Variants in GLIS1 observed in about 807,000 individuals in gnomAD.
GLIS1 encodes the protein zinc finger protein GLIS1.
A neutral mutation model predicts 63.8 loss-of-function variants in GLIS1; 24 were observed. The ratio of observed to expected loss-of-function variants is 0.38; its 90% CI spans 0.27 to 0.53. The LOEUF (loss-of-function observed/expected upper bound fraction) is 0.53. Among genes scored for constraint, GLIS1 ranks in the 20% least tolerant of loss-of-function variants. The probability of loss-of-function intolerance (pLI) is 0.85; values close to 1 mark genes in which losing one functional copy is unlikely to be tolerated. For missense variants in GLIS1, 1,036 were observed against 1,074.1 expected (o/e 0.96, Z 0.50); for synonymous variants, 450 against 482.5 (o/e 0.93, Z 0.88).
At chr1:53,736,373 T>G (rs983360959) in intron 2 of GLIS1, among the ~76,000 whole-genome samples, 2 of 152,236 alleles carry the variant, frequency 1.3e-5, no homozygotes, top group Non-Finnish European at 2.9e-5. Flanking sequence ...GAGAGCTGTT[T>G]GCTAGGTCTG....
intron 2 of GLIS1, among the ~76,000 whole-genome samples, chr1:53,648,423 C>A (rs1267462899): frequency 1.3e-5 from 2 of 152,142 alleles, no homozygotes; most frequent in Non-Finnish European, 2.9e-5. Context: ...TAAAATGGTG[C>A]AGCCACTTTG....
chr1:53,722,904 G>A (rs55718124), intron 2 of GLIS1, among the ~76,000 whole-genome samples: 39,426 of 151,348 alleles, frequency 0.26, 5,363 homozygotes, highest in African/African-American at 0.35. Context: ...AGGCCGAGGC[G>A]GGTGGATCAC....
At chr1:53,715,618 C>T (rs542007681) in intron 2 of GLIS1, among the ~76,000 whole-genome samples, 1 of 152,244 alleles carries the variant, frequency 6.6e-6, no homozygotes, top group South Asian at 2.1e-4. Flanking sequence ...CCACTCAGAC[C>T]AGGCAGTGTG....
chr1:53,594,025 A>G, intron 4 of GLIS1, 83 bp downstream of exon 4: 1 of 1,451,382 alleles, frequency 6.9e-7, no homozygotes, highest in Non-Finnish European at 9.2e-7. Flanking sequence ...ACGGAGTCCC[A>G]GGCGGCCTCT....
At chr1:53,518,830 GCCCTGT>G (rs958584573) in intron 7 of GLIS1, among the ~76,000 whole-genome samples, 2 of 152,222 alleles carry the variant, frequency 1.3e-5, no homozygotes, top group Admixed American at 6.5e-5. Flanking sequence ...GTAACTGCTG[GCCCTGT>G]CCCTTCTCGC....
chr1:53,675,613 G>C (rs553072431), intron 2 of GLIS1, among the ~76,000 whole-genome samples: 1 of 152,316 alleles, frequency 6.6e-6, no homozygotes, highest in South Asian at 2.1e-4. Context: ...AGGTGTCACT[G>C]ACCACCTCTC....
At chr1:53,557,664 T>C (rs1352498408) in intron 4 of GLIS1, among the ~76,000 whole-genome samples, 2 of 152,218 alleles carry the variant, frequency 1.3e-5, no homozygotes, top group African/African-American at 4.8e-5. Flanking sequence ...CATGGTGTCG[T>C]TGAGCAGCTA....
intron 2 of GLIS1, among the ~76,000 whole-genome samples, chr1:53,622,612 T>A (rs1235331167): frequency 2.0e-5 from 3 of 152,106 alleles, no homozygotes; most frequent in Non-Finnish European, 4.4e-5. Flanking sequence ...AGAAGCATCC[T>A]TATGAGAGAC....
At chr1:53,667,346 C>T (rs749789177) in intron 2 of GLIS1, among the ~76,000 whole-genome samples, 7 of 152,250 alleles carry the variant, frequency 4.6e-5, no homozygotes, top group Non-Finnish European at 8.8e-5. Flanking sequence ...GCGTGGCACA[C>T]ACTGGTTTCA....
At chr1:53,576,929 G>C (rs1645037397) in intron 4 of GLIS1, among the ~76,000 whole-genome samples, 1 of 151,912 alleles carries the variant, frequency 6.6e-6, no homozygotes, top group African/African-American at 2.4e-5. Context: ...ACAAGGCCCA[G>C]GTTCCCTCTG....
chr1:53,548,483 C>T (rs1015256365), intron 4 of GLIS1, among the ~76,000 whole-genome samples: 2 of 152,250 alleles, frequency 1.3e-5, no homozygotes, highest in African/African-American at 2.4e-5. Flanking sequence ...CCCGTGACAA[C>T]GCTGCCATGC....
At chr1:53,516,873 G>A (rs1644358384) in intron 7 of GLIS1, among the ~76,000 whole-genome samples, 2 of 151,718 alleles carry the variant, frequency 1.3e-5, no homozygotes. Flanking sequence ...CTTTGCCTAT[G>A]AGGCCAAACA....
chr1:53,714,670 C>G (rs1306864080), intron 2 of GLIS1, among the ~76,000 whole-genome samples: 1 of 152,228 alleles, frequency 6.6e-6, no homozygotes, highest in Non-Finnish European at 1.5e-5. Flanking sequence ...GTGGCCAAGC[C>G]TCTTTAGAGG....
At chr1:53,534,775 C>A (rs985457168) in intron 4 of GLIS1, among the ~76,000 whole-genome samples, 1 of 151,992 alleles carries the variant, frequency 6.6e-6, no homozygotes, top group Admixed American at 6.5e-5. Flanking sequence ...ATCCTCCTGC[C>A]TCACTCAGCT....
chr1:53,506,454 C>CTGGCAGCGCTGGGTGGGG lies in GLIS1; in HGVS notation c.*147_*164dup, dbSNP rs1409922121. ...CAGCTCAAGCTCGGATGGCGGCTCCCTGGCAGCGCTGGGTGGGGTGGCAGC... is the reference window on the plus strand; with the variant it reads ...CAGCTCAAGCTCGGATGGCGGCTCCCTGGCAGCGCTGGGTGGGGTGGCAGCGCTGGGTGGGGTGGCAGC... On this transcript the variant is annotated 3_prime_UTR_variant, in exon 11 of 11. Transcript: ENST00000628545. 11 of 689,088 alleles carry CTGGCAGCGCTGGGTGGGG rather than the reference C, an allele frequency of 1.6e-5. No homozygotes were observed. Among genetic ancestry groups the CTGGCAGCGCTGGGTGGGG allele is most frequent in the Non-Finnish European group, 2.6e-5 (11 of 416,968 alleles). The allele number at this position is 689,088 out of a possible 1,614,324, so 42.7% of individuals were successfully genotyped here.
chr1:53,645,022 G>A (rs1256493065), intron 2 of GLIS1, among the ~76,000 whole-genome samples: 1 of 152,204 alleles, frequency 6.6e-6, no homozygotes, highest in Non-Finnish European at 1.5e-5. Context: ...CCTAAGAACA[G>A]GGCTTGGCAT....
chr1:53,705,209 A>G (rs1474425154), intron 2 of GLIS1, among the ~76,000 whole-genome samples: 1 of 152,178 alleles, frequency 6.6e-6, no homozygotes, highest in Non-Finnish European at 1.5e-5. Flanking sequence ...TATGTATCAT[A>G]CAATGACACT....
At position 53,539,794 on chromosome 1, in the gene GLIS1, T is replaced by A. The variant is rs972856140; in HGVS notation, c.1321-9842A>T. On this transcript the variant is annotated intron_variant, in intron 4 of 10. Coordinates refer to ENST00000628545, the MANE Select transcript of GLIS1 (RefSeq NM_001367484.1). The surrounding 1 kb of genome is among the most constrained non-coding windows in gnomAD (Gnocchi z 5.0). The stretch of plus-strand genomic sequence containing the variant: ...ACATGGATGTGCGTGTGGGGTTCAC[T>A]GAGGGGCTGGGTCCACTGCGCCTCC... Among the ~76,000 whole-genome samples the A allele has an allele frequency of 1.3e-5, 2 of 152,114 alleles. No individual in the cohort carries two copies. The highest frequency in any genetic ancestry group is 2.9e-5 in the Non-Finnish European group (2 of 68,028).
chr1:53,578,513 A>C (rs1645054489), intron 4 of GLIS1, among the ~76,000 whole-genome samples: 1 of 152,192 alleles, frequency 6.6e-6, no homozygotes, highest in African/African-American at 2.4e-5. Context: ...TATGACTCAC[A>C]CATAAGACCT....
Sources: allele counts gnomAD v4.1 joint callset (sites outside exome capture counted in the v4.1 genomes callset), GRCh38; gene constraint gnomAD v4.1.1; non-coding constraint Gnocchi (gnomAD v3.1); transcripts MANE v1.5; gene names NCBI Gene and HGNC (gene_info 2026-07-23, HGNC 2026-07-21).